Variants in SYCE1 observed in about 807,000 individuals in gnomAD.
The protein encoded by SYCE1 is cancer/testis antigen 76.
Under a neutral mutation model 55.1 loss-of-function variants are expected in SYCE1, and 37 were observed. That is an observed-to-expected ratio of 0.67 (90% CI 0.52 to 0.88). The LOEUF is 0.88. Ranked by LOEUF, SYCE1 falls within the 40% of genes least tolerant of loss-of-function variation. SYCE1 has a pLI of 0.00. For missense variants in SYCE1, 399 were observed against 416.4 expected (o/e 0.96, Z 0.36); for synonymous variants, 163 against 159.4 (o/e 1.02, Z -0.17).
chr10:133,565,108 G>T (rs2987794), intron 1 of SYCE1, among the ~76,000 whole-genome samples: 97,103 of 151,906 alleles, frequency 0.64, 33,843 homozygotes, highest in Non-Finnish European at 0.8. Flanking sequence ...GGGAGAGGAA[G>T]GTGGAATTAG....
downstream of SYCE1, chr10:133,554,038 C>CCTT (rs879077190): frequency 2.8e-6 from 1 of 359,372 alleles, no homozygotes; most frequent in South Asian, 1.1e-4. Flanking sequence ...AGCTAAAGTT[C>CCTT]CTTCTAATTG....
Position 133,555,790 on chromosome 10 carries a change from C to A in SYCE1, c.709G>T (p.Ala237Ser), listed in dbSNP as rs79640176. 4,006 of 1,612,630 alleles carry A rather than the reference C, an allele frequency of 2.5e-3. No homozygotes were observed. The African/African-American group carries it at 0.046, about 19-fold the overall frequency. The change falls in exon 10 of 13, where the codon GCA becomes TCA. Residue 237 changes from alanine to serine, a missense_variant. By Grantham distance (99) the Ala-to-Ser change is moderately conservative. Coordinates refer to ENST00000343131, the MANE Select transcript of SYCE1 (RefSeq NM_001143764.3). The part of the protein sequence containing the change: ...EGLFLRSQEA[A>S]ATVQLFQEEH... ...CCCTCCACATCTTACACTGTGGCTGCAGCCTCCTGGCTGCGGAGAAAGAGT... is the reference window on the plus strand; with the variant it reads ...CCCTCCACATCTTACACTGTGGCTGAAGCCTCCTGGCTGCGGAGAAAGAGT...
At chr10:133,555,176 G>T in intron 12 of SYCE1, 47 bp from the exon 13 acceptor site, 1 of 1,532,128 alleles carries the variant, frequency 6.5e-7, no homozygotes, top group Non-Finnish European at 8.8e-7. Flanking sequence ...CCATCCCCAT[G>T]GCCACATGGT....
At chr10:133,566,102 A>G (rs1334524893), upstream of SYCE1, among the ~76,000 whole-genome samples, 3 of 152,202 alleles carry the variant, frequency 2.0e-5, no homozygotes, top group African/African-American at 4.8e-5. Context: ...CCATGCCCAC[A>G]GTGGCCGAGG....
At position 133,555,043 on chromosome 10, in the gene SYCE1, G is replaced by A. The variant is rs1564854550; in HGVS notation, c.1005C>T (p.Leu335=). The A allele has an allele frequency of 2.2e-5, 34 of 1,551,496 alleles. No homozygotes were observed. Among genetic ancestry groups the A allele is most frequent in the Non-Finnish European group, 2.7e-5 (31 of 1,146,932 alleles). The change falls in exon 13 of 13, where the codon CTC becomes CTT. Residue 335 remains leucine, a synonymous_variant. Coordinates refer to ENST00000343131, the MANE Select transcript of SYCE1 (RefSeq NM_001143764.3). ...AGCCCCTTGGGCTAAGGTCGGGGTGGAGTGTGTCCTCCTGGCCTATGAGGA... is the reference window on the plus strand; with the variant it reads ...AGCCCCTTGGGCTAAGGTCGGGGTGAAGTGTGTCCTCCTGGCCTATGAGGA... ...PDVLIGQEDT[L]HPDLSPRGFQ...
chr10:133,559,543 A>G, intron 2 of SYCE1, 183 bp from the exon 3 acceptor site: 1 of 621,534 alleles, frequency 1.6e-6, no homozygotes, highest in East Asian at 2.8e-5. Context: ...ACACAATAAG[A>G]TACCGAATGG....
chr10:133,564,493 T>G, intron 1 of SYCE1: 1 of 926,062 alleles, frequency 1.1e-6, no homozygotes, highest in Non-Finnish European at 1.3e-6. Context: ...AAGGGATACG[T>G]TTGCGTCTGT....
chr10:133,567,378 T>C (rs955732647), upstream of SYCE1, among the ~76,000 whole-genome samples: 1 of 150,998 alleles, frequency 6.6e-6, no homozygotes, highest in Non-Finnish European at 1.5e-5. Flanking sequence ...GGGTTAAGGG[T>C]TAGTGTTTTG....
chr10:133,565,676 G>T (rs757442198), upstream of SYCE1: 8 of 756,376 alleles, frequency 1.1e-5, no homozygotes, highest in African/African-American at 1.8e-5. Context: ...TTCTCCGGCA[G>T]GCCTGCGTGG....
chr10:133,566,195 G>A (rs1050111131), upstream of SYCE1, among the ~76,000 whole-genome samples: 2 of 152,212 alleles, frequency 1.3e-5, no homozygotes, highest in Non-Finnish European at 2.9e-5. Flanking sequence ...CTGGGAGGAG[G>A]GAGGAGGAGC....
In SYCE1 at chr10:133,556,821, A is replaced by T; in HGVS notation, c.466T>A (p.Leu156Met). The T allele has an allele frequency of 6.3e-7, 1 of 1,590,068 alleles. No homozygotes were observed. Among genetic ancestry groups the T allele is most frequent in the Non-Finnish European group, 8.6e-7 (1 of 1,168,076 alleles). ...EEKNKQRQLR[L>M]AFEEQLEDLM... ...TCTTCCAGCTGTTCCTCGAATGCCA[A>T]CCTGGGAACCAACCACAGGCATGAG... Residue 156 changes from leucine to methionine, a missense_variant and splice_region_variant, in exon 8 of 13, where the codon TTG becomes ATG. Transcript: ENST00000343131.
intron 1 of SYCE1, among the ~76,000 whole-genome samples, chr10:133,564,839 C>T (rs1009710494): frequency 6.6e-6 from 1 of 152,340 alleles, no homozygotes; most frequent in East Asian, 1.9e-4. Context: ...GAAGTGGAAA[C>T]GGCCAGGACA....
intron 4 of SYCE1, 69 bp downstream of exon 4, chr10:133,558,808 T>G: frequency 6.6e-7 from 1 of 1,504,948 alleles, no homozygotes; most frequent in Non-Finnish European, 9.2e-7. Flanking sequence ...ATGCTGATTA[T>G]CTGGAATACA....
downstream of SYCE1, chr10:133,554,151 A>G (rs11101821): frequency 0.11 from 74,435 of 671,420 alleles, 5,055 homozygotes; most frequent in East Asian, 0.27. Context: ...GTTTGATAGT[A>G]TATTGCCAGT....
chr10:133,556,568 G>T (rs1851688525), intron 8 of SYCE1, 191 bp downstream of exon 8: 1 of 645,064 alleles, frequency 1.6e-6, no homozygotes, highest in Non-Finnish European at 2.8e-6. Context: ...TCTCATCAGA[G>T]ATCCCCCTGA....
At chr10:133,560,231 G>T in intron 1 of SYCE1, 78 bp from the exon 2 acceptor site, 1 of 1,305,612 alleles carries the variant, frequency 7.7e-7, no homozygotes, top group Non-Finnish European at 1.1e-6. Flanking sequence ...GGCAGGCTGA[G>T]GGCAGGTCTC....
intron 1 of SYCE1, 90 bp downstream of exon 1, chr10:133,565,367 A>T: frequency 1.2e-5 from 15 of 1,208,730 alleles, no homozygotes; most frequent in Middle Eastern, 2.0e-4. Flanking sequence ...CAGGACTGAC[A>T]GGAAGAAGCA....
upstream of SYCE1, among the ~76,000 whole-genome samples, chr10:133,566,579 G>C (rs1311529654): frequency 1.6e-5 from 2 of 122,012 alleles, no homozygotes; most frequent in Non-Finnish European, 3.6e-5. Context: ...AGGGTTTTAC[G>C]GTTAGGGTCA....
chr10:133,554,154 T>C (rs1382386451), downstream of SYCE1: 3 of 696,156 alleles, frequency 4.3e-6, no homozygotes, highest in Non-Finnish European at 7.4e-6. Context: ...TGATAGTATA[T>C]TGCCAGTTTG....
Sources: gnomAD v4.1 joint callset for allele counts (sites outside exome capture counted in the v4.1 genomes callset) on GRCh38, gnomAD v4.1.1 for gene constraint, MANE v1.5 for transcripts, NCBI Gene and HGNC (gene_info 2026-07-23, HGNC 2026-07-21) for gene names.